DCC: variants seen among roughly 807,000 people sequenced by gnomAD.
DCC encodes netrin receptor DCC.
Under a neutral mutation model 172.5 loss-of-function variants are expected in DCC, and 58 were observed. The observed-to-expected ratio is 0.34, with a 90% CI of 0.27 to 0.42. The LOEUF is 0.42. Among genes scored for constraint, DCC ranks in the 10% least tolerant of loss-of-function variants. DCC has a pLI of 1.00. For synonymous variants in DCC, 709 were observed against 644.5 expected, an observed-to-expected ratio of 1.10 and a Z score of -1.52; for missense variants, 1,740 against 1,791.0, an observed-to-expected ratio of 0.97 and a Z score of 0.51.
intron 12 of DCC, among the ~76,000 whole-genome samples, chr18:53,224,113 A>C (rs570553345): frequency 6.6e-6 from 1 of 152,332 alleles, no homozygotes; most frequent in South Asian, 2.1e-4. Flanking sequence ...TAAACAAATT[A>C]ACAATTGACA....
chr18:53,142,284 C>T (rs1269565636), intron 7 of DCC, among the ~76,000 whole-genome samples: 3 of 152,184 alleles, frequency 2.0e-5, no homozygotes, highest in African/African-American at 4.8e-5. Flanking sequence ...AGTCTGAACG[C>T]TTTGTGTCTT....
At chr18:52,883,679 G>A (rs533488440) in intron 2 of DCC, among the ~76,000 whole-genome samples, 29 of 151,226 alleles carry the variant, frequency 1.9e-4, no homozygotes, top group African/African-American at 7.0e-4. Flanking sequence ...AAAAGTTGTG[G>A]TAGTTACTGC....
Position 53,397,330 on chromosome 18 carries a change from G to A in DCC, c.2711G>A (p.Ser904Asn), listed in dbSNP as rs118038427. Residue 904 changes from serine to asparagine, a missense_variant, in exon 18 of 29, where the codon AGT becomes AAT. Physicochemically the swap from Ser to Asn is conservative, Grantham distance 46. Coordinates refer to ENST00000442544, the MANE Select transcript of DCC (RefSeq NM_005215.4). ...KYKSEDTTSL[S>N]YTATGLKPNT... ...TAGTCAGAAGACACAACATCTCTAAGTTACACAGCAACAGGCCTCAAACCA... is the reference window on the plus strand; with the variant it reads ...TAGTCAGAAGACACAACATCTCTAAATTACACAGCAACAGGCCTCAAACCA... The A allele has an allele frequency of 2.2e-5, 36 of 1,613,586 alleles. No individual in the cohort carries two copies. The highest frequency in any genetic ancestry group is 4.5e-5 in the East Asian group (2 of 44,858).
chr18:53,208,091 C>T (rs1331546675), intron 11 of DCC, among the ~76,000 whole-genome samples: 6 of 150,768 alleles, frequency 4.0e-5, no homozygotes, highest in African/African-American at 7.3e-5. Context: ...TAGTGAGACC[C>T]TATCTCTGTA....
chr18:52,662,228 C>T (rs994778156), intron 1 of DCC, among the ~76,000 whole-genome samples: 28 of 152,100 alleles, frequency 1.8e-4, no homozygotes, highest in Non-Finnish European at 4.4e-5. Context: ...CCGGATAGAT[C>T]CGATGCTACT....
At chr18:53,260,654 A>T (rs1598958436) in intron 12 of DCC, among the ~76,000 whole-genome samples, 1 of 151,992 alleles carries the variant, frequency 6.6e-6, no homozygotes, top group African/African-American at 2.4e-5. Context: ...GGGGTCAGGG[A>T]CCCACTTGAG....
In DCC at chr18:53,261,365, T is replaced by C. The variant is rs1273938476; in HGVS notation, c.1912-44213T>C. On this transcript the variant is annotated intron_variant, in intron 12 of 28. Coordinates refer to ENST00000442544, the MANE Select transcript of DCC (RefSeq NM_005215.4). ...GGCTCCACACCCTCGTGAGGACGTT[T>C]TGTGTCCTCTTCTCCTGCACTAGCA... 4.6e-5 allele frequency among the ~76,000 whole-genome samples: 7 copies of C among 152,162 alleles called. No homozygotes were observed. In the South Asian group the frequency reaches 8.3e-4, roughly 18 times the overall value.
intron 1 of DCC, among the ~76,000 whole-genome samples, chr18:52,606,421 C>A (rs1197542061): frequency 6.6e-6 from 1 of 151,968 alleles, no homozygotes. Flanking sequence ...AGTAGGTATT[C>A]TAAAACAATA....
intron 1 of DCC, among the ~76,000 whole-genome samples, chr18:52,362,865 T>C (rs1984682080): frequency 6.6e-6 from 1 of 152,114 alleles, no homozygotes; most frequent in Non-Finnish European, 1.5e-5. Flanking sequence ...CTTTCTTTCG[T>C]TCATTCATTC....
chr18:52,991,943 G>A (rs932459325), intron 5 of DCC, among the ~76,000 whole-genome samples: 2 of 152,122 alleles, frequency 1.3e-5, no homozygotes, highest in Non-Finnish European at 2.9e-5. Flanking sequence ...ACGCAAGGTG[G>A]GATATTTTAC....
chr18:53,173,369 T>G (rs1157182745), intron 8 of DCC, among the ~76,000 whole-genome samples: 5 of 152,152 alleles, frequency 3.3e-5, no homozygotes. Context: ...TTTTCTCTAT[T>G]GTGGTAAAAC....
At chr18:52,970,987 G>A (rs2041021411) in intron 5 of DCC, among the ~76,000 whole-genome samples, 1 of 152,122 alleles carries the variant, frequency 6.6e-6, no homozygotes, top group African/African-American at 2.4e-5. Context: ...GAATAAGAGA[G>A]GGTCATAATT....
At chr18:52,680,759 G>C (rs1036542325) in intron 1 of DCC, among the ~76,000 whole-genome samples, 1 of 152,028 alleles carries the variant, frequency 6.6e-6, no homozygotes, top group Non-Finnish European at 1.5e-5. Context: ...GGATGGCCAA[G>C]TTTATATTCC....
intron 1 of DCC, among the ~76,000 whole-genome samples, chr18:52,353,575 C>A (rs1984226017): frequency 6.6e-6 from 1 of 152,198 alleles, no homozygotes; most frequent in Non-Finnish European, 1.5e-5. Flanking sequence ...GCTCATTTGC[C>A]TGAGCCTCTG....
At chr18:52,543,742 C>A (rs1376951551) in intron 1 of DCC, among the ~76,000 whole-genome samples, 2 of 152,178 alleles carry the variant, frequency 1.3e-5, no homozygotes, top group African/African-American at 4.8e-5. Flanking sequence ...GCCCCTGACC[C>A]TTCTCCCATA....
chr18:53,132,178 C>T (rs570026238), intron 7 of DCC, among the ~76,000 whole-genome samples: 1 of 151,890 alleles, frequency 6.6e-6, no homozygotes, highest in Non-Finnish European at 1.5e-5. Context: ...AGACAGATTT[C>T]CCAGGGAAAA....
chr18:53,051,899 C>A (rs1177338717), intron 5 of DCC, among the ~76,000 whole-genome samples: 2 of 152,022 alleles, frequency 1.3e-5, no homozygotes, highest in African/African-American at 4.8e-5. Flanking sequence ...AGAAAAGTAT[C>A]CTATTCTTTA....
chr18:52,424,847 A>G (rs1283123705), intron 1 of DCC, among the ~76,000 whole-genome samples: 2 of 152,104 alleles, frequency 1.3e-5, no homozygotes, highest in Admixed American at 6.6e-5. Context: ...GATTATTGCC[A>G]AAGTATCTTA....
intron 1 of DCC, among the ~76,000 whole-genome samples, chr18:52,733,983 G>C (rs995022491): frequency 2.0e-5 from 3 of 151,984 alleles, no homozygotes; most frequent in African/African-American, 7.2e-5. Flanking sequence ...TGTTTCTAGT[G>C]CTTGACAATA....
Sources: gnomAD v4.1 joint callset for allele counts (sites outside exome capture counted in the v4.1 genomes callset) on GRCh38, gnomAD v4.1.1 for gene constraint, MANE v1.5 for transcripts, NCBI Gene and HGNC (gene_info 2026-07-23, HGNC 2026-07-21) for gene names.